Variants in FGF12 observed in about 807,000 individuals in gnomAD.
The protein encoded by FGF12 is fibroblast growth factor 12, also known as fibroblast growth factor 12B.
A neutral mutation model predicts 23.6 loss-of-function variants in FGF12; 14 were observed. The ratio of observed to expected loss-of-function variants is 0.59; its 90% CI spans 0.39 to 0.93. FGF12 has a LOEUF of 0.93. FGF12 is among the 40% of genes least tolerant of loss of function. FGF12 has a pLI of 0.00. For missense variants in FGF12, 175 were observed against 217.8 expected, an observed-to-expected ratio of 0.80 and a Z score of 1.24; for synonymous variants, 62 against 77.3, an observed-to-expected ratio of 0.80 and a Z score of 1.04.
chr3:192,191,175 A>G (rs1716771519), intron 4 of FGF12, among the ~76,000 whole-genome samples: 1 of 152,222 alleles, frequency 6.6e-6, no homozygotes, highest in South Asian at 2.1e-4. Flanking sequence ...AGTTCTACAA[A>G]ACTATGAGGA....
At chr3:192,694,920 G>A (rs1424826665) in intron 2 of FGF12, among the ~76,000 whole-genome samples, 1 of 152,034 alleles carries the variant, frequency 6.6e-6, no homozygotes, top group East Asian at 1.9e-4. Context: ...AAGAGTTGCA[G>A]TTGTGTAGGA....
At chr3:192,275,397 TACCCTTTTCTGTTTGTAAA>T (rs1713718747) in intron 4 of FGF12, among the ~76,000 whole-genome samples, 1 of 152,192 alleles carries the variant, frequency 6.6e-6, no homozygotes, top group Non-Finnish European at 1.5e-5. Flanking sequence ...TGTTTTCCTC[TACCCTTTTCTGTTTGTAAA>T]ACCAAACTCT....
In FGF12 at chr3:192,514,243, C is replaced by T. The variant is rs1340725297; in HGVS notation, c.14-153705G>A. On this transcript the variant is annotated intron_variant, in intron 2 of 5. Transcript: ENST00000445105. This position sits in a 1 kb window ranked among gnomAD's most constrained non-coding sequence, Gnocchi z 4.9. The stretch of plus-strand genomic sequence containing the variant: ...AAGCAAGAAAAAGAAAATATACCTG[C>T]CTTGCCAGCCATCTGTTTAAAAGTC... Among the ~76,000 whole-genome samples the T allele has an allele frequency of 6.6e-6, 1 of 152,206 alleles. No homozygotes were observed. Among genetic ancestry groups the T allele is most frequent in the Non-Finnish European group, 1.5e-5 (1 of 68,044 alleles).
chr3:192,276,652 A>G (rs888497173), intron 4 of FGF12, among the ~76,000 whole-genome samples: 1 of 151,938 alleles, frequency 6.6e-6, no homozygotes, highest in African/African-American at 2.4e-5. Flanking sequence ...TAGAAACTAG[A>G]CCCCTTCTTT....
In FGF12 at chr3:192,546,356, T is replaced by C. The variant is rs1452679807; in HGVS notation, c.13+180825A>G. Among the ~76,000 whole-genome samples the C allele has an allele frequency of 3.3e-5, 5 of 152,036 alleles. No individual in the cohort carries two copies. The East Asian group carries it at 7.7e-4, about 23-fold the overall frequency. On this transcript the variant is annotated intron_variant, in intron 2 of 5. Coordinates refer to ENST00000445105, the MANE Select transcript of FGF12 (RefSeq NM_004113.6). Reference sequence around the variant, plus strand: ...ATACTTTAGGTGCAAACCACAGTGATCCCAGCTTTTTAAGATCATCTATGG... The same window carrying C: ...ATACTTTAGGTGCAAACCACAGTGACCCCAGCTTTTTAAGATCATCTATGG...
intron 4 of FGF12, among the ~76,000 whole-genome samples, chr3:192,305,276 G>T (rs1225263802): frequency 6.6e-6 from 1 of 151,868 alleles, no homozygotes; most frequent in East Asian, 1.9e-4. Context: ...TGCTACTACA[G>T]GGTGTCAAAA....
chr3:192,435,094 G>A (rs777766127), intron 2 of FGF12, among the ~76,000 whole-genome samples: 14 of 151,964 alleles, frequency 9.2e-5, no homozygotes, highest in Non-Finnish European at 1.3e-4. Flanking sequence ...TTCCTCAACA[G>A]GGTAAGTGAT....
chr3:192,624,192 T>C (rs1715073967), intron 2 of FGF12, among the ~76,000 whole-genome samples: 1 of 151,708 alleles, frequency 6.6e-6, no homozygotes, highest in East Asian at 1.9e-4. Context: ...AACAATCTCT[T>C]AGATAAAAAA....
chr3:192,342,808 C>T (rs1268196718), intron 3 of FGF12, among the ~76,000 whole-genome samples: 2 of 151,972 alleles, frequency 1.3e-5, no homozygotes, highest in Non-Finnish European at 2.9e-5. Flanking sequence ...AAATAAACAT[C>T]CTGTCCAATG....
At chr3:192,247,032 A>AGAAGGAAGGAAAGAAGGAAGGAAG (rs1195304406) in intron 4 of FGF12, among the ~76,000 whole-genome samples, 6 of 86,390 alleles carry the variant, frequency 6.9e-5, no homozygotes, top group Non-Finnish European at 1.2e-4. Context: ...AGGGAAGGAA[A>AGAAGGAAGGAAAGAAGGAAGGAAG]GAAGGAAGGA....
intron 2 of FGF12, among the ~76,000 whole-genome samples, chr3:192,389,813 A>T (rs1333098970): frequency 3.3e-5 from 5 of 152,252 alleles, no homozygotes; most frequent in Admixed American, 3.3e-4. Flanking sequence ...ACAAATGGTG[A>T]AATAAATATT....
chr3:192,388,198 C>G (rs1720129222), intron 2 of FGF12, among the ~76,000 whole-genome samples: 1 of 151,964 alleles, frequency 6.6e-6, no homozygotes. Context: ...GAGGTCAAGG[C>G]TGAAGTGAGC....
intron 4 of FGF12, among the ~76,000 whole-genome samples, chr3:192,271,552 A>AGCTTTC (rs1713438676): frequency 6.6e-6 from 1 of 151,960 alleles, no homozygotes; most frequent in Admixed American, 6.6e-5. Flanking sequence ...TTTCCCACCT[A>AGCTTTC]CCTGCCTATC....
Position 192,506,452 on chromosome 3 carries a change from C to A in FGF12, c.14-145914G>T, listed in dbSNP as rs1051835595. ...GTGGCATGATCTCGGCTCACCGCAA[C>A]CTTCGCCTCCCAGGTTCAAGCGATT... On this transcript the variant is annotated intron_variant, in intron 2 of 5. Coordinates refer to ENST00000445105, the MANE Select transcript of FGF12 (RefSeq NM_004113.6). Among the ~76,000 whole-genome samples the A allele has an allele frequency of 2.0e-5, 3 of 152,136 alleles. No individual in the cohort carries two copies. In the South Asian group the frequency reaches 6.2e-4, roughly 32 times the overall value.
chr3:192,695,995 A>T (rs552672247), intron 2 of FGF12, among the ~76,000 whole-genome samples: 1 of 152,248 alleles, frequency 6.6e-6, no homozygotes, highest in African/African-American at 2.4e-5. Flanking sequence ...GCTACTTGGG[A>T]GGCTAAGGCA....
intron 2 of FGF12, among the ~76,000 whole-genome samples, chr3:192,512,394 G>T (rs377747884): frequency 6.6e-6 from 1 of 151,998 alleles, no homozygotes; most frequent in Non-Finnish European, 1.5e-5. Flanking sequence ...ATGATAAAAG[G>T]ACCTAAAATA....
intron 2 of FGF12, among the ~76,000 whole-genome samples, chr3:192,397,977 CT>C (rs766618091): frequency 1.3e-5 from 2 of 152,046 alleles, no homozygotes; most frequent in Non-Finnish European, 2.9e-5. Context: ...ACTTTTTAGT[CT>C]ATTTTATCTT....
At chr3:192,319,944 A>G (rs950329557) in intron 4 of FGF12, among the ~76,000 whole-genome samples, 4 of 152,178 alleles carry the variant, frequency 2.6e-5, no homozygotes, top group Non-Finnish European at 4.4e-5. Context: ...GGAAGAGAAG[A>G]CTACAAAACA....
chr3:192,263,686 C>G (rs750854555), intron 4 of FGF12, among the ~76,000 whole-genome samples: 1 of 151,796 alleles, frequency 6.6e-6, no homozygotes, highest in African/African-American at 2.4e-5. Flanking sequence ...TTAAACAAAA[C>G]AATGAAATAT....
Sources: gnomAD v4.1 joint callset for allele counts (sites outside exome capture counted in the v4.1 genomes callset) on GRCh38, gnomAD v4.1.1 for gene constraint, Gnocchi (gnomAD v3.1) non-coding constraint, MANE v1.5 for transcripts, NCBI Gene and HGNC (gene_info 2026-07-23, HGNC 2026-07-21) for gene names.